GMDS: variants seen among roughly 807,000 people sequenced by gnomAD.
GMDS encodes GDP-mannose 4,6-dehydratase, also known as GDP-mannose 4,6 dehydratase.
In GMDS, 20 loss-of-function variants were observed where a neutral mutation model predicts 49.9. The observed-to-expected ratio is 0.40, with a 90% CI of 0.28 to 0.58. GMDS has a LOEUF of 0.58. Ranked by LOEUF, GMDS falls within the 20% of genes least tolerant of loss-of-function variation. GMDS has a pLI of 0.42. For synonymous variants in GMDS, 177 were observed against 178.6 expected, an observed-to-expected ratio of 0.99 and a Z score of 0.07; for missense variants, 362 against 481.4, an observed-to-expected ratio of 0.75 and a Z score of 2.32.
chr6:2,166,476 A>T lies in GMDS; in HGVS notation c.103-41745T>A, dbSNP rs75276796. ...GAATATTTTCATTGTACAGATGAAG[A>T]AACAAGCTCAGAGTTCAAGTAAATT... On this transcript the variant is annotated intron_variant, in intron 1 of 10. Coordinates refer to ENST00000380815, the MANE Select transcript of GMDS (RefSeq NM_001500.4). Among the ~76,000 whole-genome samples, 621 of 152,172 alleles carry T rather than the reference A, an allele frequency of 4.1e-3. 5 individuals are homozygous for T. The highest frequency in any genetic ancestry group is 0.014 in the African/African-American group (591 of 41,476).
intron 7 of GMDS, among the ~76,000 whole-genome samples, chr6:1,777,675 A>G (rs1768894797): frequency 6.6e-6 from 1 of 152,222 alleles, no homozygotes; most frequent in Non-Finnish European, 1.5e-5. Flanking sequence ...TGTGTAGGGA[A>G]TAGAACTAGA....
chr6:2,001,460 T>C (rs1310327502), intron 4 of GMDS, among the ~76,000 whole-genome samples: 1 of 152,186 alleles, frequency 6.6e-6, no homozygotes, highest in Admixed American at 6.5e-5. Flanking sequence ...CTTCATGGTA[T>C]CTTTTGAAAC....
chr6:1,977,349 C>T (rs1218198239), intron 4 of GMDS, among the ~76,000 whole-genome samples: 1 of 152,196 alleles, frequency 6.6e-6, no homozygotes, highest in Non-Finnish European at 1.5e-5. Context: ...CTCCTAAATA[C>T]CATACCCTGA....
chr6:1,701,141 T>C (rs1219710429), intron 9 of GMDS, among the ~76,000 whole-genome samples: 2 of 152,210 alleles, frequency 1.3e-5, no homozygotes, highest in Non-Finnish European at 2.9e-5. Context: ...CATTTCTTCC[T>C]GTCTCTCTGC....
rs1768944263 is a variant in GMDS at position 1,778,699 on chromosome 6, G to A, written c.772-36113C>T. ...TCCATTATTTTTGTCTGTCACTGGA[G>A]GGAACTTTCCCTTCCTGCCAGCCAG... On this transcript the variant is annotated intron_variant, in intron 7 of 10. Transcript: ENST00000380815. This position sits in a 1 kb window ranked among gnomAD's most constrained non-coding sequence, Gnocchi z 4.6. Among the ~76,000 whole-genome samples the A allele has an allele frequency of 6.6e-6, 1 of 152,134 alleles. No individual in the cohort carries two copies. The highest frequency in any genetic ancestry group is 1.9e-4 in the East Asian group (1 of 5,182).
chr6:2,024,152 T>C (rs1768440772), intron 4 of GMDS, among the ~76,000 whole-genome samples: 1 of 152,226 alleles, frequency 6.6e-6, no homozygotes, highest in African/African-American at 2.4e-5. Context: ...AATAGGATAT[T>C]TTCATATTGC....
intron 7 of GMDS, among the ~76,000 whole-genome samples, chr6:1,864,033 G>A (rs538793832): frequency 3.4e-4 from 51 of 152,094 alleles, no homozygotes; most frequent in African/African-American, 1.2e-3. Flanking sequence ...GGGTCATAAC[G>A]TTTCATTTAT....
chr6:1,731,727 G>T (rs1287247912), intron 8 of GMDS, among the ~76,000 whole-genome samples: 1 of 152,178 alleles, frequency 6.6e-6, no homozygotes, highest in Non-Finnish European at 1.5e-5. Context: ...AAGTAGTCTT[G>T]AATAAGATGT....
chr6:1,682,651 G>A (rs1331422078), intron 9 of GMDS, among the ~76,000 whole-genome samples: 1 of 3,202 alleles, frequency 3.1e-4, no homozygotes, highest in Admixed American at 1.2e-3. Flanking sequence ...CTCACTGCAA[G>A]CTCCGCCTCC....
intron 4 of GMDS, among the ~76,000 whole-genome samples, chr6:1,989,429 T>C (rs1405516215): frequency 6.6e-6 from 1 of 152,068 alleles, no homozygotes; most frequent in East Asian, 1.9e-4. Flanking sequence ...GGGGAGAGGG[T>C]AACCCTGAGA....
chr6:1,721,811 C>G (rs1766395148), intron 9 of GMDS, among the ~76,000 whole-genome samples: 1 of 151,942 alleles, frequency 6.6e-6, no homozygotes, highest in African/African-American at 2.4e-5. Context: ...ATTAATAGGT[C>G]AATAGTAGTT....
intron 9 of GMDS, among the ~76,000 whole-genome samples, chr6:1,706,022 C>T (rs577671208): frequency 1.4e-4 from 21 of 152,188 alleles, no homozygotes; most frequent in South Asian, 4.2e-4. Flanking sequence ...AGCAATTAAC[C>T]GGTTGTTGAT....
At chr6:2,016,963 A>G (rs1561978181) in intron 4 of GMDS, among the ~76,000 whole-genome samples, 1 of 152,188 alleles carries the variant, frequency 6.6e-6, no homozygotes, top group African/African-American at 2.4e-5. Context: ...AAAGATCTAA[A>G]ACACATAATC....
chr6:1,983,977 T>C (rs9503059), intron 4 of GMDS, among the ~76,000 whole-genome samples: 59,857 of 152,064 alleles, frequency 0.39, 11,892 homozygotes, highest in Middle Eastern at 0.45. Flanking sequence ...ACCTAAATGC[T>C]CATCAATGAT....
At chr6:1,687,559 TTCTCCTGTGTTCCAGGCACCGTCC>T (rs869246562) in intron 9 of GMDS, among the ~76,000 whole-genome samples, 4 of 3,570 alleles carry the variant, frequency 1.1e-3, no homozygotes, top group African/African-American at 4.7e-3. Context: ...GGCACCGTCC[TTCTCCTGTGTTCCAGGCACCGTCC>T]TTGACACTAG....
chr6:2,176,895 T>G (rs1186261415), intron 1 of GMDS, among the ~76,000 whole-genome samples: 1 of 152,126 alleles, frequency 6.6e-6, no homozygotes, highest in African/African-American at 2.4e-5. Context: ...CGAAAAGATG[T>G]GGCCATCAAG....
At chr6:2,036,535 C>T (rs1581552426) in intron 4 of GMDS, among the ~76,000 whole-genome samples, 1 of 152,278 alleles carries the variant, frequency 6.6e-6, no homozygotes, top group African/African-American at 2.4e-5. Context: ...CTTTAGCAAT[C>T]CATACAAGGC....
At chr6:1,774,851 G>A (rs577478699) in intron 7 of GMDS, among the ~76,000 whole-genome samples, 1 of 152,306 alleles carries the variant, frequency 6.6e-6, no homozygotes, top group South Asian at 2.1e-4. Context: ...GGAGATTGAG[G>A]AAAGGGAACT....
At chr6:2,025,567 G>T (rs1056688114) in intron 4 of GMDS, among the ~76,000 whole-genome samples, 1 of 151,604 alleles carries the variant, frequency 6.6e-6, no homozygotes, top group Non-Finnish European at 1.5e-5. Context: ...ATCAAATCAA[G>T]CATTCACTTA....
Sources: allele counts gnomAD v4.1 joint callset (sites outside exome capture counted in the v4.1 genomes callset), GRCh38; gene constraint gnomAD v4.1.1; non-coding constraint Gnocchi (gnomAD v3.1); transcripts MANE v1.5; gene names NCBI Gene and HGNC (gene_info 2026-07-23, HGNC 2026-07-21).